The following VWA3B variants were observed in gnomAD, a reference collection of about 807,000 sequenced individuals.
VWA3B encodes von Willebrand factor A domain-containing protein 3B.
Under a neutral mutation model 158.3 loss-of-function variants are expected in VWA3B, and 138 were observed. That is an observed-to-expected ratio of 0.87 (90% confidence interval 0.76 to 1.00). VWA3B has a LOEUF of 1.00. Among genes scored for constraint, VWA3B ranks in the 50% least tolerant of loss-of-function variants. The pLI is 0.00. For synonymous variants in VWA3B, 596 were observed against 587.3 expected (o/e 1.01, Z -0.21); for missense variants, 1,555 against 1,565.1 (o/e 0.99, Z 0.11).
chr2:98,300,148 A>G lies in VWA3B; in HGVS notation c.3352A>G (p.Ile1118Val). The G allele has an allele frequency of 1.9e-6, 3 of 1,614,240 alleles. No homozygotes were observed. Among genetic ancestry groups the G allele is most frequent in the Non-Finnish European group, 1.7e-6 (2 of 1,180,048 alleles). The change falls in exon 25 of 28, where the codon ATA (isoleucine) becomes GTA (valine). Residue 1118 changes from isoleucine to valine, a missense_variant. Ile to Val is a conservative substitution (Grantham distance 29, BLOSUM62 3). Coordinates refer to ENST00000477737, the MANE Select transcript of VWA3B (RefSeq NM_144992.5). ...TGACTTCTATGTCCCTGCCATTGTC[A>G]TAGCACTTCCCAATAAGCATGTGGC... is the stretch of plus-strand genomic sequence containing the variant. ...GFDFYVPAIV[I>V]ALPNKHVATE...
chr2:98,301,514 A>G (rs1352055922), intron 25 of VWA3B, among the ~76,000 whole-genome samples: 1 of 152,174 alleles, frequency 6.6e-6, no homozygotes, highest in African/African-American at 2.4e-5. Flanking sequence ...AAAGATGTAA[A>G]AGATCTGTGT....
chr2:98,236,675 G>C lies in VWA3B; in HGVS notation c.2618G>C (p.Ser873Thr), dbSNP rs1400304889. 2.5e-6 allele frequency: 4 copies of C among 1,614,110 alleles called. No homozygotes were observed. In the African/African-American group the frequency reaches 5.3e-5, roughly 22 times the overall value. ...DALSVAAVPH[S>T]STYVPVLDKH... ...TTGTCAGTGGCAGCAGTCCCGCACA[G>C]CTCCACCTATGTTCCCGTCCTGGAC... The change falls in exon 19 of 28, where the codon AGC (serine) becomes ACC (threonine). Residue 873 changes from serine to threonine, a missense_variant. Ser to Thr is a moderately conservative substitution (Grantham distance 58). Coordinates refer to ENST00000477737, the MANE Select transcript of VWA3B (RefSeq NM_144992.5).
At chr2:98,146,042 A>G (rs1263490212) in intron 7 of VWA3B, among the ~76,000 whole-genome samples, 1 of 151,590 alleles carries the variant, frequency 6.6e-6, no homozygotes, top group African/African-American at 2.4e-5. Context: ...GCCCTTTCCT[A>G]ATTTTTTTTT....
At chr2:98,270,938 T>G in intron 22 of VWA3B, 55 bp downstream of exon 22, 1 of 1,562,772 alleles carries the variant, frequency 6.4e-7, no homozygotes, top group Non-Finnish European at 8.8e-7. Flanking sequence ...CCCAAGTCAT[T>G]GCCATTCCTA....
chr2:98,205,241 T>C (rs1682917294), intron 12 of VWA3B, among the ~76,000 whole-genome samples: 1 of 152,264 alleles, frequency 6.6e-6, no homozygotes, highest in African/African-American at 2.4e-5. Context: ...GTCAGTTTCA[T>C]CTTGGTAGAG....
At chr2:98,187,359 G>C (rs1157522532) in intron 9 of VWA3B, among the ~76,000 whole-genome samples, 4 of 152,062 alleles carry the variant, frequency 2.6e-5, no homozygotes, top group Admixed American at 2.6e-4. Flanking sequence ...CCTAAGAGGA[G>C]GAGCGCCGGT....
intron 7 of VWA3B, among the ~76,000 whole-genome samples, chr2:98,136,889 T>A (rs1676328142): frequency 6.6e-6 from 1 of 152,234 alleles, no homozygotes; most frequent in African/African-American, 2.4e-5. Context: ...CATAAATAGG[T>A]GCAATTATAC....
At chr2:98,318,424 C>T in the VWA3B span, among the ~76,000 whole-genome samples, 1 of 152,120 alleles carries the variant, frequency 6.6e-6, no homozygotes, top group Non-Finnish European at 1.5e-5. Flanking sequence ...TTTACAGGGA[C>T]ATAGATGAAA....
intron 12 of VWA3B, among the ~76,000 whole-genome samples, chr2:98,202,340 G>T (rs1682619402): frequency 6.6e-6 from 1 of 152,026 alleles, no homozygotes; most frequent in Non-Finnish European, 1.5e-5. Context: ...ATGTTTGTGG[G>T]ATCTGTAGTG....
chr2:98,214,531 G>A (rs150301756), intron 13 of VWA3B, among the ~76,000 whole-genome samples: 1 of 152,150 alleles, frequency 6.6e-6, no homozygotes, highest in Non-Finnish European at 1.5e-5. Context: ...GATGGAACTA[G>A]TTTTTTTGTA....
chr2:98,283,322 G>A (rs774187497), intron 22 of VWA3B, among the ~76,000 whole-genome samples: 4 of 152,234 alleles, frequency 2.6e-5, no homozygotes, highest in Non-Finnish European at 5.9e-5. Context: ...TTCGTCTGGA[G>A]ACAGAGAGAC....
intron 13 of VWA3B, among the ~76,000 whole-genome samples, chr2:98,216,372 G>T (rs1175876568): frequency 3.9e-5 from 6 of 152,238 alleles, no homozygotes; most frequent in Admixed American, 1.3e-4. Context: ...TTATGGGCTG[G>T]TCTGGACTGG....
intron 21 of VWA3B, among the ~76,000 whole-genome samples, chr2:98,269,125 AT>A: frequency 6.6e-6 from 1 of 152,012 alleles, no homozygotes. Context: ...TTTTCCCTAC[AT>A]TTTTTATGCC....
chr2:98,315,524 CAA>C (rs1428708366), downstream of VWA3B, among the ~76,000 whole-genome samples: 2 of 152,126 alleles, frequency 1.3e-5, no homozygotes. Context: ...AACAGATATT[CAA>C]AAAGAGACTG....
chr2:98,274,278 T>A (rs1688387577), intron 22 of VWA3B, among the ~76,000 whole-genome samples: 2 of 152,236 alleles, frequency 1.3e-5, no homozygotes, highest in East Asian at 1.9e-4. Flanking sequence ...TATTTGTAGC[T>A]GTGTCCATGG....
intron 13 of VWA3B, among the ~76,000 whole-genome samples, chr2:98,216,430 A>G (rs575893130): frequency 7.2e-5 from 11 of 152,350 alleles, no homozygotes; most frequent in Admixed American, 2.6e-4. Flanking sequence ...TCCTAAATAA[A>G]ACTAATGGCT....
At chr2:98,204,391 A>C (rs545048836) in intron 12 of VWA3B, among the ~76,000 whole-genome samples, 1 of 152,348 alleles carries the variant, frequency 6.6e-6, no homozygotes, top group African/African-American at 2.4e-5. Context: ...GTTAGCTGCA[A>C]GCTTTTTGTA....
At chr2:98,270,936 A>C in intron 22 of VWA3B, 53 bp downstream of exon 22, 2 of 1,567,928 alleles carry the variant, frequency 1.3e-6, no homozygotes, top group Non-Finnish European at 1.7e-6. Flanking sequence ...ATCCCAAGTC[A>C]TTGCCATTCC....
At chr2:98,112,945 G>T (rs2104921233) in intron 2 of VWA3B, among the ~76,000 whole-genome samples, 1 of 151,900 alleles carries the variant, frequency 6.6e-6, no homozygotes, top group East Asian at 1.9e-4. Flanking sequence ...AGCCCATACA[G>T]ATATTGTACT....
Sources: gnomAD v4.1 joint callset for allele counts (sites outside exome capture counted in the v4.1 genomes callset) on GRCh38, gnomAD v4.1.1 for gene constraint, MANE v1.5 for transcripts, NCBI Gene and HGNC (gene_info 2026-07-23, HGNC 2026-07-21) for gene names.